Variants in SLC27A1 observed in about 807,000 individuals in gnomAD.
The protein encoded by SLC27A1 is solute carrier family 27 member 1, also known as long-chain fatty acid transport protein 1.
SLC27A1 carries 61 observed loss-of-function variants against 62.2 expected under a neutral mutation model. That is an observed-to-expected ratio of 0.98 (90% CI 0.80 to 1.21). The LOEUF (loss-of-function observed/expected upper bound fraction) is 1.21. SLC27A1 is among the 50% of genes most tolerant of loss of function. SLC27A1 has a pLI of 0.00. For synonymous variants in SLC27A1, 435 were observed against 408.6 expected, an observed-to-expected ratio of 1.06 and a Z score of -0.78; for missense variants, 903 against 932.1, an observed-to-expected ratio of 0.97 and a Z score of 0.41.
chr19:17,497,493 T>A, intron 7 of SLC27A1, 29 bp downstream of exon 7: 1 of 1,573,802 alleles, frequency 6.4e-7, no homozygotes, highest in Non-Finnish European at 8.6e-7. Flanking sequence ...CCGGGGCAGG[T>A]CTCGGAGTTC....
intron 4 of SLC27A1, among the ~76,000 whole-genome samples, chr19:17,488,321 G>A (rs542877683): frequency 6.6e-6 from 1 of 152,304 alleles, no homozygotes; most frequent in South Asian, 2.1e-4. Context: ...TCCCGCCACT[G>A]CACTCCAGCC....
upstream of SLC27A1, chr19:17,470,391 A>G (rs2075061587): frequency 1.0e-6 from 1 of 954,146 alleles, no homozygotes; most frequent in East Asian, 3.3e-5. Flanking sequence ...GCGGAGTCTG[A>G]CTCGGAGCGC....
intron 1 of SLC27A1, among the ~76,000 whole-genome samples, chr19:17,480,572 C>G (rs1206789920): frequency 8.9e-6 from 1 of 112,036 alleles, no homozygotes; most frequent in Admixed American, 1.2e-4. Flanking sequence ...GAGATGAGGT[C>G]TCAGTTTGTT....
chr19:17,490,311 C>T (rs7256027), intron 6 of SLC27A1, among the ~76,000 whole-genome samples: 118,698 of 151,696 alleles, frequency 0.78, 47,681 homozygotes, highest in Non-Finnish European at 0.89. Context: ...ACCACCACGC[C>T]TGGCCCACTT....
intron 1 of SLC27A1, among the ~76,000 whole-genome samples, chr19:17,472,316 A>AC (rs1458609527): frequency 6.7e-6 from 1 of 148,254 alleles, no homozygotes; most frequent in Non-Finnish European, 1.5e-5. Flanking sequence ...AATGGTGTGA[A>AC]CCCCGGAGGC....
chr19:17,494,390 C>T (rs968642799), intron 6 of SLC27A1, among the ~76,000 whole-genome samples: 11 of 150,960 alleles, frequency 7.3e-5, no homozygotes, highest in Admixed American at 1.3e-4. Flanking sequence ...TGCAGTGGTG[C>T]GATCTCAGTT....
At chr19:17,483,608 A>C (rs1458424385) in intron 1 of SLC27A1, among the ~76,000 whole-genome samples, 1 of 151,840 alleles carries the variant, frequency 6.6e-6, no homozygotes, top group African/African-American at 2.4e-5. Context: ...TGTTTTTAGA[A>C]ATTGCGGATG....
At chr19:17,504,308 G>A in intron 11 of SLC27A1, 147 bp from the exon 12 acceptor site, 2 of 977,344 alleles carry the variant, frequency 2.0e-6, no homozygotes, top group East Asian at 2.5e-5. Context: ...GACAGACAAG[G>A]GGGAATCAGG....
upstream of SLC27A1, among the ~76,000 whole-genome samples, chr19:17,469,487 G>GC (rs1702760910): frequency 6.6e-6 from 1 of 152,082 alleles, no homozygotes; most frequent in Non-Finnish European, 1.5e-5. Context: ...TGCGAGCCAC[G>GC]CCCCAAGGCT....
rs1351557393 is a variant in SLC27A1 at position 17,502,335 on chromosome 19, GTTTTTTTTGTTTTTTT to G, written c.1783+925_1783+940del. Among the ~76,000 whole-genome samples the G allele has an allele frequency of 9.2e-4, 70 of 75,898 alleles. 1 individual carries two copies. Among genetic ancestry groups the G allele is most frequent in the Non-Finnish European group, 1.4e-3 (57 of 40,072 alleles). 49.8% of individuals were successfully genotyped at this position (75,898 alleles called of 152,430 possible). On this transcript the variant is annotated intron_variant, in intron 11 of 11. Transcript: ENST00000252595. ...CTGCCACTAAGCATTCTGAAATAGTGTTTTTTTTGTTTTTTTTTTTTTTTTTTTTTTTTTGAGATGG... is the reference window on the plus strand; with the variant it reads ...CTGCCACTAAGCATTCTGAAATAGTGTTTTTTTTTTTTTTTTTTGAGATGG...
chr19:17,501,666 G>A (rs2075415245), intron 11 of SLC27A1, among the ~76,000 whole-genome samples: 1 of 152,044 alleles, frequency 6.6e-6, no homozygotes, highest in Non-Finnish European at 1.5e-5. Flanking sequence ...AGCCGGGCAC[G>A]GTTGCGGGTG....
chr19:17,474,921 C>T lies in SLC27A1; in HGVS notation c.167+4214C>T, dbSNP rs1248229596. 7.3e-5 allele frequency among the ~76,000 whole-genome samples: 8 copies of T among 109,048 alleles called. No homozygotes were observed. The South Asian group carries it at 1.6e-3, about 21-fold the overall frequency. The allele number at this position is 109,048 out of a possible 152,430, so 71.5% of individuals were successfully genotyped here. A position where few individuals can be genotyped will look rare whatever the true frequency, so the allele number is the denominator to read the frequency against. On this transcript the variant is annotated intron_variant, in intron 1 of 11. Transcript: ENST00000252595. ...CTGGGATTACAGGTGTGAGCCACTGCGCCCTGTTTTTTTTTTGAGACGGAG... is the reference window on the plus strand; with the variant it reads ...CTGGGATTACAGGTGTGAGCCACTGTGCCCTGTTTTTTTTTTGAGACGGAG...
In SLC27A1 at chr19:17,486,511, G is replaced by A; in HGVS notation, c.168-52G>A. 1 of 1,506,766 alleles carries A rather than the reference G, an allele frequency of 6.6e-7. No individual in the cohort carries two copies. 93.3% of individuals were successfully genotyped at this position (1,506,766 alleles called of 1,614,324 possible). On this transcript the variant is annotated intron_variant, in intron 1 of 11. Transcript: ENST00000252595. The surrounding 1 kb of genome is among the most constrained non-coding windows in gnomAD (Gnocchi z 6.6). Reference sequence around the variant, plus strand: ...AGCGGGGAGGCTGAGGCTCCCAGAGGCCAGGCGGGGCAGGGCACCAGTGAC... The same window carrying A: ...AGCGGGGAGGCTGAGGCTCCCAGAGACCAGGCGGGGCAGGGCACCAGTGAC...
At chr19:17,481,212 A>T (rs1468548200) in intron 1 of SLC27A1, among the ~76,000 whole-genome samples, 1 of 151,894 alleles carries the variant, frequency 6.6e-6, no homozygotes, top group African/African-American at 2.4e-5. Context: ...GGCGTGAGCC[A>T]CTGGGCCCGG....
In SLC27A1 at chr19:17,488,988, AC is replaced by A. The variant is rs759724587; in HGVS notation, c.887-18del. 4 of 1,613,896 alleles carry A rather than the reference AC, an allele frequency of 2.5e-6. No individual in the cohort carries two copies. The highest frequency in any genetic ancestry group is 3.4e-6 in the Non-Finnish European group (4 of 1,179,896). On this transcript the variant is annotated intron_variant, in intron 5 of 11. Transcript: ENST00000252595. ...GGTGGGTGGGGGCGGGGGACCCCTTACCAAGGCCACCCTCTGCAGGAAACAT... is the reference window on the plus strand; with the variant it reads ...GGTGGGTGGGGGCGGGGGACCCCTTACAAGGCCACCCTCTGCAGGAAACAT...
At chr19:17,475,253 G>T (rs1288357907) in intron 1 of SLC27A1, among the ~76,000 whole-genome samples, 2 of 152,188 alleles carry the variant, frequency 1.3e-5, no homozygotes, top group Admixed American at 1.3e-4. Flanking sequence ...CATCAGAATT[G>T]ATGGAGGCTG....
In SLC27A1 at chr19:17,500,475, GAAC is replaced by G. The variant is rs2075398147; in HGVS notation, c.1334-18_1334-16del. ...ACGCCCTGCCTGCCTAGCGCAGCCT[GAAC>G]ATGGCCTTCTCCCTAGGGGAGCCTG... On this transcript the variant is annotated splice_polypyrimidine_tract_variant and intron_variant, in intron 8 of 11. Coordinates refer to ENST00000252595, the MANE Select transcript of SLC27A1 (RefSeq NM_198580.3). 1 of 1,613,158 alleles carries G rather than the reference GAAC, an allele frequency of 6.2e-7. No individual in the cohort carries two copies. Among genetic ancestry groups the G allele is most frequent in the African/African-American group, 1.3e-5 (1 of 74,940 alleles).
chr19:17,472,608 C>T (rs2075087799), intron 1 of SLC27A1, among the ~76,000 whole-genome samples: 1 of 151,924 alleles, frequency 6.6e-6, no homozygotes, highest in South Asian at 2.1e-4. Context: ...CTCACTGCAA[C>T]CTCTGCCTCC....
At position 17,504,857 on chromosome 19, in the gene SLC27A1, T is replaced by A. The variant is rs924816455; in HGVS notation, c.*245T>A. The A allele has an allele frequency of 2.9e-6, 2 of 686,092 alleles. No homozygotes were observed. Among genetic ancestry groups the A allele is most frequent in the African/African-American group, 3.5e-5 (2 of 56,918 alleles). 42.5% of individuals were successfully genotyped at this position (686,092 alleles called of 1,614,324 possible). A position where few individuals can be genotyped will look rare whatever the true frequency, so the allele number is the denominator to read the frequency against. On this transcript the variant is annotated 3_prime_UTR_variant, in exon 12 of 12. Coordinates refer to ENST00000252595, the MANE Select transcript of SLC27A1 (RefSeq NM_198580.3). ...CTGTCTCCTTCCATCCCTGTCCCTG[T>A]CTGGCCTTAACTCTTCCCTCTTTTT...
Sources: allele counts gnomAD v4.1 joint callset (sites outside exome capture counted in the v4.1 genomes callset), GRCh38; gene constraint gnomAD v4.1.1; non-coding constraint Gnocchi (gnomAD v3.1); transcripts MANE v1.5; gene names NCBI Gene and HGNC (gene_info 2026-07-23, HGNC 2026-07-21).